Variants in CDH10 observed in about 807,000 individuals in gnomAD.
The protein encoded by CDH10 is cadherin 10, also known as cadherin-10.
In CDH10, 30 loss-of-function variants were observed where a neutral mutation model predicts 73.1. The observed-to-expected ratio is 0.41, with a 90% CI of 0.31 to 0.56. The LOEUF (loss-of-function observed/expected upper bound fraction) is 0.56. Among genes scored for constraint, CDH10 ranks in the 20% least tolerant of loss-of-function variants. CDH10 has a pLI of 0.27. For synonymous variants in CDH10, 345 were observed against 348.2 expected (o/e 0.99, Z 0.10); for missense variants, 815 against 973.7 (o/e 0.84, Z 2.17).
At chr5:24,491,362 G>A (rs558354143) in intron 11 of CDH10, among the ~76,000 whole-genome samples, 12 of 96,368 alleles carry the variant, frequency 1.2e-4, no homozygotes, top group African/African-American at 4.3e-4. Flanking sequence ...GCCCCATTAG[G>A]TAAAGTTCCA....
At chr5:24,600,399 C>G (rs1032279579) in intron 1 of CDH10, among the ~76,000 whole-genome samples, 1 of 152,130 alleles carries the variant, frequency 6.6e-6, no homozygotes, top group Non-Finnish European at 1.5e-5. Flanking sequence ...CTATGAAGCT[C>G]TATCTCAATG....
At chr5:24,552,843 G>T (rs1238405809) in intron 2 of CDH10, among the ~76,000 whole-genome samples, 1 of 151,854 alleles carries the variant, frequency 6.6e-6, no homozygotes, top group Non-Finnish European at 1.5e-5. Context: ...ATCTCCTGAG[G>T]ATAAATGGGT....
At chr5:24,602,368 T>C (rs1056218614) in intron 1 of CDH10, among the ~76,000 whole-genome samples, 7 of 152,164 alleles carry the variant, frequency 4.6e-5, no homozygotes, top group Non-Finnish European at 8.8e-5. Context: ...TTCTGGACCA[T>C]TAAGCCACAA....
At chr5:24,490,634 C>T (rs558202023) in intron 11 of CDH10, among the ~76,000 whole-genome samples, 1 of 152,082 alleles carries the variant, frequency 6.6e-6, no homozygotes, top group South Asian at 2.1e-4. Flanking sequence ...ATAATTAAGT[C>T]AAATAAAGAA....
intron 2 of CDH10, among the ~76,000 whole-genome samples, chr5:24,562,811 T>C (rs951974628): frequency 1.9e-4 from 25 of 133,398 alleles, no homozygotes; most frequent in Non-Finnish European, 1.3e-4. Context: ...TGGAAAAAAA[T>C]ACCTTTTTTT....
At chr5:24,599,966 G>A (rs16893608) in intron 1 of CDH10, among the ~76,000 whole-genome samples, 8,632 of 152,192 alleles carry the variant, frequency 0.057, 448 homozygotes, top group Admixed American at 0.17. Flanking sequence ...TTATGCATGT[G>A]TAGCTGAAAT....
At chr5:24,536,911 T>TA (rs575986637) in intron 3 of CDH10, among the ~76,000 whole-genome samples, 2 of 151,878 alleles carry the variant, frequency 1.3e-5, no homozygotes, top group South Asian at 4.2e-4. Flanking sequence ...TGATGTTTAA[T>TA]AAAAAAATTC....
intron 1 of CDH10, among the ~76,000 whole-genome samples, chr5:24,595,063 A>G (rs918862796): frequency 2.6e-5 from 4 of 151,702 alleles, no homozygotes; most frequent in Admixed American, 2.0e-4. Flanking sequence ...AGTAATTTTT[A>G]TATTATTCTT....
intron 8 of CDH10, 121 bp downstream of exon 8, chr5:24,504,990 CT>C: frequency 7.1e-6 from 5 of 700,414 alleles, no homozygotes; most frequent in Non-Finnish European, 1.1e-5. Context: ...TAAAATTCAT[CT>C]GTCCAATGAG....
intron 1 of CDH10, among the ~76,000 whole-genome samples, chr5:24,597,942 A>T (rs1746428257): frequency 6.6e-6 from 1 of 151,772 alleles, no homozygotes; most frequent in South Asian, 2.1e-4. Flanking sequence ...AGCTTTTAAA[A>T]ATATATATAT....
chr5:24,601,892 A>C (rs1038623134), intron 1 of CDH10, among the ~76,000 whole-genome samples: 3 of 152,066 alleles, frequency 2.0e-5, no homozygotes, highest in Non-Finnish European at 4.4e-5. Flanking sequence ...CCTGACCCTA[A>C]CCCTACCATT....
chr5:24,524,658 A>G (rs949915003), intron 5 of CDH10, among the ~76,000 whole-genome samples: 4 of 152,102 alleles, frequency 2.6e-5, no homozygotes, highest in African/African-American at 9.6e-5. Flanking sequence ...GTACATTCTT[A>G]GTATGGTTAC....
At chr5:24,506,193 T>C (rs886555574) in intron 7 of CDH10, among the ~76,000 whole-genome samples, 4 of 152,108 alleles carry the variant, frequency 2.6e-5, no homozygotes, top group Admixed American at 2.0e-4. Flanking sequence ...TTAATATATC[T>C]GTATCAAATA....
chr5:24,490,898 ATCAACTTAAC>A (rs1156737468), intron 11 of CDH10, among the ~76,000 whole-genome samples: 3 of 152,208 alleles, frequency 2.0e-5, no homozygotes, highest in Non-Finnish European at 4.4e-5. Flanking sequence ...AACAAATGTT[ATCAACTTAAC>A]CTTTGTCTTT....
chr5:24,513,475 T>C (rs367885304), intron 5 of CDH10, among the ~76,000 whole-genome samples: 1 of 152,240 alleles, frequency 6.6e-6, no homozygotes, highest in Middle Eastern at 3.4e-3. Flanking sequence ...TCAGAAAAAA[T>C]GAGCCAGCAG....
At chr5:24,578,730 T>A (rs1046473380) in intron 2 of CDH10, among the ~76,000 whole-genome samples, 3 of 152,160 alleles carry the variant, frequency 2.0e-5, no homozygotes, top group African/African-American at 7.2e-5. Context: ...TTATAGGATA[T>A]CTTTAATGAA....
intron 2 of CDH10, among the ~76,000 whole-genome samples, chr5:24,561,651 C>A (rs533920349): frequency 7.2e-5 from 11 of 152,238 alleles, no homozygotes; most frequent in African/African-American, 2.6e-4. Flanking sequence ...TATAAAGTGT[C>A]TCAAAACTAC....
At chr5:24,615,298 C>T (rs992596538) in intron 1 of CDH10, among the ~76,000 whole-genome samples, 4 of 152,124 alleles carry the variant, frequency 2.6e-5, no homozygotes, top group Admixed American at 1.3e-4. Context: ...TATTTCTGTT[C>T]GCATTTTTCA....
At chr5:24,616,159 T>C (rs746390450) in intron 1 of CDH10, among the ~76,000 whole-genome samples, 17 of 152,010 alleles carry the variant, frequency 1.1e-4, no homozygotes, top group Non-Finnish European at 1.9e-4. Context: ...GTATGCAAAA[T>C]AATTTTTAGG....
Sources: gnomAD v4.1 joint callset for allele counts (sites outside exome capture counted in the v4.1 genomes callset) on GRCh38, gnomAD v4.1.1 for gene constraint, MANE v1.5 for transcripts, NCBI Gene and HGNC (gene_info 2026-07-23, HGNC 2026-07-21) for gene names.